The following ALKBH5 variants were observed in gnomAD, a reference collection of about 807,000 sequenced individuals.
ALKBH5 encodes alkB homolog 5, RNA demethylase.
ALKBH5 carries 2 observed loss-of-function variants against 32.1 expected under a neutral mutation model. That is an observed-to-expected ratio of 0.06 (90% confidence interval 0.03 to 0.20). ALKBH5 has a LOEUF of 0.20. Ranked by LOEUF, ALKBH5 falls within the 10% of genes least tolerant of loss-of-function variation. The pLI is 1.00. For missense variants in ALKBH5, 352 were observed against 559.5 expected (o/e 0.63, Z 3.74); for synonymous variants, 300 against 231.7 (o/e 1.29, Z -2.68).
At position 18,184,437 on chromosome 17, in the gene ALKBH5, A is replaced by G; in HGVS notation, c.194A>G (p.Asp65Gly). Residue 65 changes from aspartate to glycine, a missense_variant, in exon 1 of 4, where the codon GAC becomes GGC. Physicochemically the swap from Asp to Gly is moderately conservative, Grantham distance 94 (BLOSUM62 -1). This residue lies in a region of ALKBH5 where 144 missense variants were observed against 125.8 expected (regional missense o/e 1.14). Transcript: ENST00000399138. ...AAGCGCAAGTATCAGGAGGACTCGG[A>G]CCCCGAGCGCAGCGACTATGAGGAG... ...GAKRKYQEDS[D>G]PERSDYEEQQ... The G allele has an allele frequency of 1.2e-6, 2 of 1,602,640 alleles. No individual in the cohort carries two copies. The highest frequency in any genetic ancestry group is 1.7e-6 in the Non-Finnish European group (2 of 1,175,112).
chr17:18,204,767 A>G (rs1330538985), intron 2 of ALKBH5, among the ~76,000 whole-genome samples: 6 of 151,732 alleles, frequency 4.0e-5, no homozygotes, highest in Admixed American at 3.9e-4. Flanking sequence ...TAATAAAAAT[A>G]AAAAGCTCAT....
intron 3 of ALKBH5, 146 bp from the exon 4 acceptor site, chr17:18,208,072 CG>C: frequency 1.2e-6 from 1 of 810,568 alleles, no homozygotes; most frequent in African/African-American, 1.7e-5. Flanking sequence ...CAAGAACCTC[CG>C]ATACCAGGGC....
chr17:18,188,467 T>G (rs2047153308), intron 1 of ALKBH5, among the ~76,000 whole-genome samples: 1 of 152,242 alleles, frequency 6.6e-6, no homozygotes, highest in African/African-American at 2.4e-5. Flanking sequence ...TCTGGGATAG[T>G]CTGATCTTGT....
intron 1 of ALKBH5, among the ~76,000 whole-genome samples, chr17:18,192,561 A>T (rs1008286469): frequency 2.6e-5 from 4 of 152,244 alleles, no homozygotes; most frequent in Non-Finnish European, 2.9e-5. Flanking sequence ...GAAACTGTAC[A>T]GGTTTTTAGG....
chr17:18,191,262 C>T (rs961795301), intron 1 of ALKBH5, among the ~76,000 whole-genome samples: 4 of 152,164 alleles, frequency 2.6e-5, no homozygotes, highest in African/African-American at 4.8e-5. Flanking sequence ...CCAGAGCAGC[C>T]GGATATTCTG....
At chr17:18,201,794 A>AGGTAGATAGATAGGATAGATAAGATAGAT (rs1491101824) in intron 2 of ALKBH5, among the ~76,000 whole-genome samples, 20 of 134,510 alleles carry the variant, frequency 1.5e-4, no homozygotes, top group South Asian at 2.5e-4. Flanking sequence ...TAGGATAGAT[A>AGGTAGATAGATAGGATAGATAAGATAGAT]AGATAGATAG....
At position 18,194,395 on chromosome 17, in the gene ALKBH5, C is replaced by A. The variant is rs1321883691; in HGVS notation, c.771-560C>A. On this transcript the variant is annotated intron_variant, in intron 1 of 3. Transcript: ENST00000399138. ...TCTCGAACTCCTGATTTCAGGTGAT[C>A]CGCCCACCTCGGCCTCCCAAAGTGC... Among the ~76,000 whole-genome samples, 4 of 152,184 alleles carry A rather than the reference C, an allele frequency of 2.6e-5. No homozygotes were observed. The East Asian group carries it at 7.7e-4, about 29-fold the overall frequency.
At chr17:18,188,447 C>A (rs970953426) in intron 1 of ALKBH5, among the ~76,000 whole-genome samples, 1 of 152,218 alleles carries the variant, frequency 6.6e-6, no homozygotes, top group Non-Finnish European at 1.5e-5. Flanking sequence ...GAGTGGGCAC[C>A]CCTGTCAGTT....
chr17:18,201,796 GATA>G (rs2047239850), intron 2 of ALKBH5, among the ~76,000 whole-genome samples: 1 of 36,574 alleles, frequency 2.7e-5, no homozygotes, highest in Non-Finnish European at 5.8e-5. Flanking sequence ...GGATAGATAA[GATA>G]GATAGATAGA....
At chr17:18,202,866 G>T (rs947208625) in intron 2 of ALKBH5, among the ~76,000 whole-genome samples, 2 of 152,018 alleles carry the variant, frequency 1.3e-5, no homozygotes, top group East Asian at 1.9e-4. Flanking sequence ...ATGAGGTCAA[G>T]AGATCAAGAC....
chr17:18,184,354 CGTAGCCGCCGCAGCCGCA>C lies in ALKBH5; in HGVS notation c.113_130del (p.Val38_Ala43del). 6.6e-7 allele frequency: 1 copy of C among 1,517,722 alleles called. No homozygotes were observed. The highest frequency in any genetic ancestry group is 1.2e-5 in the South Asian group (1 of 80,478). The allele number at this position is 1,517,722 out of a possible 1,614,324, so 94.0% of individuals were successfully genotyped here. ...AGGCCGCCGCCGCTGCCGCAGCCGC[CGTAGCCGCCGCAGCCGCA>C]GCCGCCGCTGCCGCCGAACCTTACC... On this transcript the variant is annotated inframe_deletion, in exon 1 of 4. Transcript: ENST00000399138.
chr17:18,203,484 T>G (rs2047253290), intron 2 of ALKBH5, among the ~76,000 whole-genome samples: 1 of 152,224 alleles, frequency 6.6e-6, no homozygotes, highest in Non-Finnish European at 1.5e-5. Context: ...GGTATCACGG[T>G]CAACCTCACA....
rs1226395990 is a variant in ALKBH5, at chr17:18,185,024, C to T, written c.770+11C>T. 6.2e-7 allele frequency: 1 copy of T among 1,600,088 alleles called. No individual in the cohort carries two copies. Among genetic ancestry groups the T allele is most frequent in the South Asian group, 1.1e-5 (1 of 90,824 alleles). The stretch of plus-strand genomic sequence containing the variant: ...CGTGACTGTGCTCAGGTAACCCACC[C>T]GGGTGGAGGGGGCGGCCCTGCGCCT... On this transcript the variant is annotated intron_variant, in intron 1 of 3. Coordinates refer to ENST00000399138, the MANE Select transcript of ALKBH5 (RefSeq NM_017758.4).
At chr17:18,192,955 G>C (rs539628060) in intron 1 of ALKBH5, among the ~76,000 whole-genome samples, 11 of 150,138 alleles carry the variant, frequency 7.3e-5, no homozygotes, top group Non-Finnish European at 1.5e-4. Context: ...CACCTCCCAG[G>C]TTCAGCGATT....
intron 2 of ALKBH5, among the ~76,000 whole-genome samples, chr17:18,202,001 C>G (rs2047244314): frequency 6.6e-6 from 1 of 151,894 alleles, no homozygotes; most frequent in African/African-American, 2.4e-5. Flanking sequence ...GGTGATAGAC[C>G]TTGTTTCAAA....
At chr17:18,203,482 G>A (rs1597842162) in intron 2 of ALKBH5, among the ~76,000 whole-genome samples, 1 of 152,170 alleles carries the variant, frequency 6.6e-6, no homozygotes, top group South Asian at 2.1e-4. Flanking sequence ...TGGGTATCAC[G>A]GTCAACCTCA....
chr17:18,209,242 A>T lies in ALKBH5; in HGVS notation c.*846A>T, dbSNP rs2047290267. On this transcript the variant is annotated 3_prime_UTR_variant, in exon 4 of 4. Coordinates refer to ENST00000399138, the MANE Select transcript of ALKBH5 (RefSeq NM_017758.4). ...TAGCTAGAGGGACTGGTGTCCTTCC[A>T]AGTCTAGCATTTGGGGTATGGAAAA... The T allele has an allele frequency of 6.5e-6, 1 of 152,714 alleles. No homozygotes were observed. Among genetic ancestry groups the T allele is most frequent in the African/African-American group, 2.4e-5 (1 of 41,458 alleles). 9.5% of individuals were successfully genotyped at this position (152,714 alleles called of 1,614,324 possible).
intron 2 of ALKBH5, among the ~76,000 whole-genome samples, chr17:18,196,663 A>G (rs904269909): frequency 1.3e-5 from 2 of 152,190 alleles, no homozygotes; most frequent in African/African-American, 2.4e-5. Flanking sequence ...ACTTAACACT[A>G]TTGATATTGA....
chr17:18,191,949 TA>T (rs553466001), intron 1 of ALKBH5, among the ~76,000 whole-genome samples: 417 of 140,464 alleles, frequency 3.0e-3, no homozygotes, highest in Non-Finnish European at 3.9e-3. Flanking sequence ...ACTCTGTCTT[TA>T]AAAAAAAAAA....
Sources: allele counts gnomAD v4.1 joint callset (sites outside exome capture counted in the v4.1 genomes callset), GRCh38; gene constraint gnomAD v4.1.1; regional missense constraint gnomAD v4.1.1; transcripts MANE v1.5; gene names NCBI Gene and HGNC (gene_info 2026-07-23, HGNC 2026-07-21).